Variants in TNS3 observed in about 807,000 individuals in gnomAD.
TNS3 encodes the protein tensin-3.
In TNS3, 45 loss-of-function variants were observed where a neutral mutation model predicts 140.9. The ratio of observed to expected loss-of-function variants is 0.32; its 90% CI spans 0.25 to 0.41. TNS3 has a LOEUF of 0.41. Among genes scored for constraint, TNS3 ranks in the 10% least tolerant of loss-of-function variants. The pLI, the probability that TNS3 is intolerant of heterozygous loss-of-function variation, is 1.00. For missense variants in TNS3, 1,716 were observed against 1,906.7 expected (o/e 0.90, Z 1.86); for synonymous variants, 815 against 788.4 (o/e 1.03, Z -0.56).
intron 13 of TNS3, among the ~76,000 whole-genome samples, chr7:47,409,351 G>A (rs1338160596): frequency 6.6e-6 from 1 of 151,978 alleles, no homozygotes; most frequent in Non-Finnish European, 1.5e-5. Context: ...GTCTCAGGAA[G>A]ACCCTGCAGC....
intron 12 of TNS3, among the ~76,000 whole-genome samples, chr7:47,412,934 A>G (rs114043836): frequency 0.014 from 2,176 of 152,272 alleles, 55 homozygotes; most frequent in African/African-American, 0.05. Flanking sequence ...ATGAAAATAC[A>G]ATGCCAGTTT....
chr7:47,564,635 C>CAAAAAAAAAA lies in TNS3; in HGVS notation c.-265+17406_-265+17415dup, dbSNP rs749603752. 1.6e-3 allele frequency among the ~76,000 whole-genome samples: 49 copies of CAAAAAAAAAA among 30,180 alleles called. 2 individuals are homozygous for CAAAAAAAAAA. The highest frequency in any genetic ancestry group is 2.3e-3 in the Admixed American group (5 of 2,134). The allele number at this position is 30,180 out of a possible 152,430, so 19.8% of individuals were successfully genotyped here. A position where few individuals can be genotyped will look rare whatever the true frequency, so the allele number is the denominator to read the frequency against. ...TGGGCAACAGAGCAAGACTCCGTCTCAAAAAAAAAAAAAACAAAAAAAAAC... is the reference window on the plus strand; with the variant it reads ...TGGGCAACAGAGCAAGACTCCGTCTCAAAAAAAAAAAAAAAAAAAAAAAACAAAAAAAAAC... On this transcript the variant is annotated intron_variant, in intron 1 of 30. Coordinates refer to ENST00000311160, the MANE Select transcript of TNS3 (RefSeq NM_022748.12).
intron 4 of TNS3, among the ~76,000 whole-genome samples, chr7:47,451,359 C>T (rs1353196684): frequency 6.6e-6 from 1 of 152,138 alleles, no homozygotes; most frequent in South Asian, 2.1e-4. Context: ...GCAAATGGAT[C>T]ACTTGAGGCC....
intron 20 of TNS3, among the ~76,000 whole-genome samples, chr7:47,344,301 G>C (rs1019124426): frequency 6.6e-6 from 1 of 152,170 alleles, no homozygotes; most frequent in Non-Finnish European, 1.5e-5. Context: ...AGTTCCTGCA[G>C]AGATCCAGGG....
chr7:47,503,172 A>G (rs1798290548), intron 3 of TNS3, among the ~76,000 whole-genome samples: 1 of 152,282 alleles, frequency 6.6e-6, no homozygotes, highest in Middle Eastern at 3.4e-3. Context: ...ACCTCTGATG[A>G]TTCAAGATGA....
intron 20 of TNS3, among the ~76,000 whole-genome samples, chr7:47,307,525 G>C (rs1029671879): frequency 6.6e-6 from 1 of 152,228 alleles, no homozygotes; most frequent in African/African-American, 2.4e-5. Context: ...AAGTGTCTAT[G>C]TAACTTTTTA....
At chr7:47,474,147 A>ACACACACAC (rs1562783799) in intron 4 of TNS3, among the ~76,000 whole-genome samples, 1 of 87,792 alleles carries the variant, frequency 1.1e-5, no homozygotes, top group East Asian at 4.4e-4. Context: ...CACACACACA[A>ACACACACAC]CACACATAAA....
Position 47,564,813 on chromosome 7 carries a change from C to G in TNS3, c.-265+17238G>C, listed in dbSNP as rs552806702. On this transcript the variant is annotated intron_variant, in intron 1 of 30. Coordinates refer to ENST00000311160, the MANE Select transcript of TNS3 (RefSeq NM_022748.12). ...AATATCACTAAGCTCTTGGCTGCCT[C>G]CCCGACCCTATCCTCATTCAGCTCT... Among the ~76,000 whole-genome samples the G allele has an allele frequency of 2.6e-5, 4 of 151,874 alleles. No homozygotes were observed. In the South Asian group the frequency reaches 8.3e-4, roughly 32 times the overall value.
At chr7:47,462,660 G>A (rs1796536493) in intron 4 of TNS3, among the ~76,000 whole-genome samples, 1 of 152,122 alleles carries the variant, frequency 6.6e-6, no homozygotes, top group Admixed American at 6.5e-5. Flanking sequence ...CCCAGGACCA[G>A]GCTTGCCCAC....
chr7:47,440,356 T>C (rs1795405055), intron 5 of TNS3, among the ~76,000 whole-genome samples: 1 of 152,070 alleles, frequency 6.6e-6, no homozygotes, highest in East Asian at 1.9e-4. Flanking sequence ...AAGAGCTCCA[T>C]GGGGCCCCGC....
At chr7:47,302,600 T>C (rs1382999380) in intron 22 of TNS3, among the ~76,000 whole-genome samples, 1 of 152,226 alleles carries the variant, frequency 6.6e-6, no homozygotes, top group African/African-American at 2.4e-5. Context: ...AAATATTTCA[T>C]AATGACGTTT....
intron 16 of TNS3, among the ~76,000 whole-genome samples, chr7:47,387,969 C>T (rs180811637): frequency 1.1e-4 from 17 of 152,364 alleles, no homozygotes; most frequent in Non-Finnish European, 2.5e-4. Flanking sequence ...GGCACAAGTG[C>T]AATTGCAGGC....
intron 27 of TNS3, among the ~76,000 whole-genome samples, chr7:47,287,105 T>TAA (rs35058593): frequency 2.1e-5 from 3 of 145,718 alleles, no homozygotes; most frequent in East Asian, 2.0e-4. Flanking sequence ...TAAGACTCTA[T>TAA]AAAAAAAAAA....
In TNS3 at chr7:47,387,830, G is replaced by A. The variant is rs374437626; in HGVS notation, c.1024+8970C>T. Among the ~76,000 whole-genome samples the A allele has an allele frequency of 1.8e-4, 28 of 152,348 alleles. No individual in the cohort carries two copies. In the East Asian group the frequency reaches 2.9e-3, roughly 16 times the overall value. On this transcript the variant is annotated intron_variant, in intron 16 of 30. Coordinates refer to ENST00000311160, the MANE Select transcript of TNS3 (RefSeq NM_022748.12). ...GATGGTGAGGATGACCCTGTGGGCC[G>A]GGCACACAGAAGCATGTTCATGTGA... is the stretch of plus-strand genomic sequence containing the variant.
chr7:47,361,795 A>G (rs1029860414), intron 17 of TNS3, among the ~76,000 whole-genome samples: 2 of 152,158 alleles, frequency 1.3e-5, no homozygotes, highest in African/African-American at 4.8e-5. Flanking sequence ...GCCTGGTGGG[A>G]ATGCCACAGC....
intron 8 of TNS3, among the ~76,000 whole-genome samples, chr7:47,429,508 C>G (rs1444678773): frequency 6.6e-6 from 1 of 152,158 alleles, no homozygotes; most frequent in African/African-American, 2.4e-5. Context: ...GCTGGGACTA[C>G]AGGCGCCCGC....
At chr7:47,468,837 ACTATACT>A (rs1257021903) in intron 4 of TNS3, among the ~76,000 whole-genome samples, 8 of 152,342 alleles carry the variant, frequency 5.3e-5, no homozygotes, top group Middle Eastern at 6.8e-3. Context: ...TCAACTTCAA[ACTATACT>A]ACAAGGCTAA....
chr7:47,516,182 G>T (rs1562822014), intron 2 of TNS3, among the ~76,000 whole-genome samples: 1 of 152,230 alleles, frequency 6.6e-6, no homozygotes, highest in Non-Finnish European at 1.5e-5. Flanking sequence ...TCTATTTGGG[G>T]AGTGGTCTCT....
At chr7:47,420,383 T>C (rs1794312151) in intron 10 of TNS3, among the ~76,000 whole-genome samples, 1 of 152,126 alleles carries the variant, frequency 6.6e-6, no homozygotes, top group South Asian at 2.1e-4. Flanking sequence ...ATTGCACTGT[T>C]AATTGAATGC....
Sources: gnomAD v4.1 joint callset for allele counts (sites outside exome capture counted in the v4.1 genomes callset) on GRCh38, gnomAD v4.1.1 for gene constraint, MANE v1.5 for transcripts, NCBI Gene and HGNC (gene_info 2026-07-23, HGNC 2026-07-21) for gene names.